ABCG2: variants seen among roughly 807,000 people sequenced by gnomAD.
ABCG2 encodes the protein ATP binding cassette subfamily G member 2 (JR blood group).
In ABCG2, 80 loss-of-function variants were observed where a neutral mutation model predicts 73.5. The ratio of observed to expected loss-of-function variants is 1.09; its 90% CI spans 0.91 to 1.31. The LOEUF (loss-of-function observed/expected upper bound fraction) is 1.31, where lower values mean the gene tolerates loss of function less well. Ranked by LOEUF, ABCG2 falls within the 50% of genes most tolerant of loss-of-function variation. The probability of loss-of-function intolerance (pLI) is 0.00; values close to 1 mark genes in which losing one functional copy is unlikely to be tolerated. For missense variants in ABCG2, 796 were observed against 786.2 expected, an observed-to-expected ratio of 1.01 and a Z score of -0.15; for synonymous variants, 269 against 282.4, an observed-to-expected ratio of 0.95 and a Z score of 0.48.
intron 10 of ABCG2, among the ~76,000 whole-genome samples, chr4:88,102,273 CTTGT>C (rs1722477393): frequency 6.6e-6 from 1 of 152,130 alleles, no homozygotes; most frequent in African/African-American, 2.4e-5. Flanking sequence ...ACTATTAGTG[CTTGT>C]TTCTCAGTGA....
intron 1 of ABCG2, among the ~76,000 whole-genome samples, chr4:88,188,533 A>G (rs1298932621): frequency 6.6e-6 from 1 of 152,218 alleles, no homozygotes; most frequent in African/African-American, 2.4e-5. Flanking sequence ...AATAAGATTT[A>G]AAATCAGGAA....
At chr4:88,178,917 C>T (rs1258473555) in intron 1 of ABCG2, among the ~76,000 whole-genome samples, 1 of 152,164 alleles carries the variant, frequency 6.6e-6, no homozygotes, top group Non-Finnish European at 1.5e-5. Flanking sequence ...TTTCCAACTG[C>T]AGTCCCTGGC....
chr4:88,140,620 T>C (rs1282686363), intron 1 of ABCG2, among the ~76,000 whole-genome samples: 1 of 151,906 alleles, frequency 6.6e-6, no homozygotes, highest in African/African-American at 2.4e-5. Context: ...AGACTCCATC[T>C]CAAAAACAAA....
chr4:88,098,505 G>A (rs1722139351), intron 12 of ABCG2, among the ~76,000 whole-genome samples: 1 of 149,942 alleles, frequency 6.7e-6, no homozygotes, highest in South Asian at 2.1e-4. Context: ...AGCAGGGATG[G>A]GTAATATATA....
chr4:88,211,658 C>A (rs1392668098), intron 1 of ABCG2, among the ~76,000 whole-genome samples: 1 of 152,132 alleles, frequency 6.6e-6, no homozygotes, highest in Non-Finnish European at 1.5e-5. Flanking sequence ...ACCACGTGAT[C>A]CGCTTACCTT....
intron 1 of ABCG2, among the ~76,000 whole-genome samples, chr4:88,224,500 G>GT (rs70959613): frequency 0.34 from 51,573 of 150,234 alleles, 9,480 homozygotes; most frequent in Middle Eastern, 0.48. Context: ...TTTTTTGTTT[G>GT]TTTTTTTTTG....
At chr4:88,098,685 T>TAGATAGATAGATAGAC (rs1273271669) in intron 12 of ABCG2, among the ~76,000 whole-genome samples, 137 of 151,634 alleles carry the variant, frequency 9.0e-4, no homozygotes, top group Middle Eastern at 3.4e-3. Context: ...GATAGATAGA[T>TAGATAGATAGATAGAC]AGACAGATAG....
At position 88,230,303 on chromosome 4, in the gene ABCG2, ATATATTTTTTT is replaced by A. The variant is rs1425470660; in HGVS notation, c.-20+680_-20+690del. ...TACACCGCACCTGTTATATATATAT[ATATATTTTTTT>A]TTTTGGCCACATATATATATATATA... On this transcript the variant is annotated intron_variant, in intron 1 of 15. Transcript: ENST00000515655. 1.1e-3 allele frequency among the ~76,000 whole-genome samples: 5 copies of A among 4,486 alleles called. 1 individual carries two copies. The highest frequency in any genetic ancestry group is 2.4e-3 in the African/African-American group (4 of 1,666). 2.9% of individuals were successfully genotyped at this position (4,486 alleles called of 152,430 possible). A position where few individuals can be genotyped will look rare whatever the true frequency, so the allele number is the denominator to read the frequency against.
intron 1 of ABCG2, among the ~76,000 whole-genome samples, chr4:88,213,238 A>C (rs73844328): frequency 6.6e-6 from 1 of 152,134 alleles, no homozygotes; most frequent in Admixed American, 6.6e-5. Flanking sequence ...CAAGAATCTC[A>C]ATGCCGGGAC....
In ABCG2 at chr4:88,113,232, A is replaced by G. The variant is rs1276642245; in HGVS notation, c.1194+71T>C. ...TTGGAAGGGTGGGTAGAAGATAAACATATCCTGAAGCAGATGATAACAGAA... is the reference window on the plus strand; with the variant it reads ...TTGGAAGGGTGGGTAGAAGATAAACGTATCCTGAAGCAGATGATAACAGAA... On this transcript the variant is annotated intron_variant, in intron 9 of 15. Transcript: ENST00000237612. 3 of 1,538,172 alleles carry G rather than the reference A, an allele frequency of 2.0e-6. No individual in the cohort carries two copies. The African/African-American group carries it at 4.1e-5, about 21-fold the overall frequency.
intron 1 of ABCG2, among the ~76,000 whole-genome samples, chr4:88,196,288 T>C (rs1162550192): frequency 6.6e-6 from 1 of 152,206 alleles, no homozygotes; most frequent in Non-Finnish European, 1.5e-5. Context: ...TGTAGTCATC[T>C]TTACCTGCAA....
chr4:88,160,848 C>CAAAA (rs765758097), upstream of ABCG2, among the ~76,000 whole-genome samples: 6 of 37,434 alleles, frequency 1.6e-4, no homozygotes, highest in African/African-American at 2.2e-4. Flanking sequence ...GACTCCATCT[C>CAAAA]AAAAAAAAAA....
upstream of ABCG2, among the ~76,000 whole-genome samples, chr4:88,160,208 C>T (rs1727230775): frequency 2.0e-5 from 3 of 151,488 alleles, no homozygotes; most frequent in South Asian, 6.2e-4. Context: ...CACCACTGCA[C>T]TCCAGCCTGG....
chr4:88,158,356 T>G (rs1192787496), intron 1 of ABCG2, 30 bp downstream of exon 1: 2 of 364,602 alleles, frequency 5.5e-6, no homozygotes, highest in Non-Finnish European at 1.1e-5. Flanking sequence ...ACACACACTC[T>G]CAGCGAAACT....
chr4:88,095,985 C>T (rs1025555385), intron 13 of ABCG2, among the ~76,000 whole-genome samples: 2 of 152,186 alleles, frequency 1.3e-5, no homozygotes, highest in African/African-American at 2.4e-5. Flanking sequence ...CACCAATACA[C>T]CTGGCATTGG....
chr4:88,217,698 A>G (rs1560463934), intron 1 of ABCG2, among the ~76,000 whole-genome samples: 4 of 151,962 alleles, frequency 2.6e-5, no homozygotes. Flanking sequence ...ATGGGACTAA[A>G]CATGGTGGCT....
chr4:88,151,359 G>A (rs1032547688), intron 1 of ABCG2, among the ~76,000 whole-genome samples: 10 of 152,180 alleles, frequency 6.6e-5, no homozygotes, highest in African/African-American at 1.9e-4. Context: ...CTTGTTCTCC[G>A]TGAGTCTAGT....
intron 1 of ABCG2, among the ~76,000 whole-genome samples, chr4:88,207,427 A>T (rs989654282): frequency 2.6e-5 from 4 of 152,174 alleles, no homozygotes; most frequent in Non-Finnish European, 4.4e-5. Flanking sequence ...CTGAAATCTT[A>T]GTGATATGAA....
chr4:88,112,509 G>C (rs45586132), intron 9 of ABCG2, among the ~76,000 whole-genome samples: 16,599 of 151,788 alleles, frequency 0.11, 1,501 homozygotes, highest in African/African-American at 0.24. Flanking sequence ...CATCTAACAT[G>C]CTATCTATTT....
Sources: allele counts gnomAD v4.1 joint callset (sites outside exome capture counted in the v4.1 genomes callset), GRCh38; gene constraint gnomAD v4.1.1; transcripts MANE v1.5; gene names NCBI Gene and HGNC (gene_info 2026-07-23, HGNC 2026-07-21).